The following PRKCB variants were observed in gnomAD, a reference collection of about 807,000 sequenced individuals.
PRKCB encodes the protein protein kinase C beta.
Under a neutral mutation model 81.5 loss-of-function variants are expected in PRKCB, and 13 were observed. The ratio of observed to expected loss-of-function variants is 0.16; its 90% CI spans 0.10 to 0.25. The LOEUF is 0.25. Among genes scored for constraint, PRKCB ranks in the 10% least tolerant of loss-of-function variants. PRKCB has a pLI of 1.00. For synonymous variants in PRKCB, 335 were observed against 321.4 expected, an observed-to-expected ratio of 1.04 and a Z score of -0.45; for missense variants, 509 against 875.7, an observed-to-expected ratio of 0.58 and a Z score of 5.29.
intron 9 of PRKCB, among the ~76,000 whole-genome samples, chr16:24,144,456 GC>G (rs1966958741): frequency 6.6e-6 from 1 of 152,050 alleles, no homozygotes; most frequent in Admixed American, 6.6e-5. Context: ...GTGCTATCAT[GC>G]CCAGCTAATT....
chr16:24,085,962 T>C (rs1966306042), intron 5 of PRKCB, among the ~76,000 whole-genome samples: 2 of 152,172 alleles, frequency 1.3e-5, no homozygotes, highest in African/African-American at 4.8e-5. Flanking sequence ...CCAGCTGTTC[T>C]AGGAGCCTTT....
chr16:24,134,877 C>T (rs1418132094), intron 9 of PRKCB, among the ~76,000 whole-genome samples: 4 of 152,022 alleles, frequency 2.6e-5, no homozygotes, highest in African/African-American at 9.7e-5. Flanking sequence ...CACCATTGCA[C>T]TCCAGCCTGG....
intron 5 of PRKCB, among the ~76,000 whole-genome samples, chr16:24,042,536 T>C (rs998572373): frequency 6.6e-6 from 1 of 152,212 alleles, no homozygotes; most frequent in African/African-American, 2.4e-5. Flanking sequence ...TTTCCACACT[T>C]GCTTAATCAC....
At chr16:24,050,849 G>C (rs1965832933) in intron 5 of PRKCB, among the ~76,000 whole-genome samples, 1 of 152,124 alleles carries the variant, frequency 6.6e-6, no homozygotes, top group African/African-American at 2.4e-5. Flanking sequence ...TTGCACTGTT[G>C]ACTTATCTTG....
chr16:24,069,795 AG>A (rs1431011183), intron 5 of PRKCB, among the ~76,000 whole-genome samples: 1 of 152,216 alleles, frequency 6.6e-6, no homozygotes, highest in Non-Finnish European at 1.5e-5. Context: ...GCTCAATAAA[AG>A]TTGTCATTGT....
intron 7 of PRKCB, among the ~76,000 whole-genome samples, chr16:24,105,055 AT>A (rs71154278): frequency 2.1e-4 from 31 of 148,178 alleles, no homozygotes; most frequent in East Asian, 4.0e-4. Flanking sequence ...ACGTTGTTGG[AT>A]TTTTTTTTTT....
chr16:23,938,915 T>G (rs8055864), intron 2 of PRKCB, among the ~76,000 whole-genome samples: 60,539 of 151,910 alleles, frequency 0.4, 12,355 homozygotes, highest in South Asian at 0.55. Context: ...AAGAAAGAAA[T>G]AAAACTGTAT....
chr16:23,939,413 A>G (rs1300430710), intron 2 of PRKCB, among the ~76,000 whole-genome samples: 3 of 152,226 alleles, frequency 2.0e-5, no homozygotes, highest in Non-Finnish European at 2.9e-5. Flanking sequence ...AGGCAAAGGA[A>G]CTAGCATAGC....
At chr16:23,908,136 G>A (rs1378594375) in intron 2 of PRKCB, among the ~76,000 whole-genome samples, 1 of 152,094 alleles carries the variant, frequency 6.6e-6, no homozygotes, top group Non-Finnish European at 1.5e-5. Context: ...GCTGGGGGAA[G>A]GAGGAAAACA....
chr16:23,917,582 G>A (rs1963760707), intron 2 of PRKCB, among the ~76,000 whole-genome samples: 1 of 152,246 alleles, frequency 6.6e-6, no homozygotes, highest in African/African-American at 2.4e-5. Flanking sequence ...AATGGGATTG[G>A]CCTCCACAGG....
At position 23,847,368 on chromosome 16, in the gene PRKCB, CTATCTATCTGTCCATCT is replaced by C. The variant is rs1962390939; in HGVS notation, c.205+9963_205+9979del. On this transcript the variant is annotated intron_variant, in intron 2 of 16. Coordinates refer to ENST00000643927, the MANE Select transcript of PRKCB (RefSeq NM_002738.7). ...TCTATCTATCTATCTATCTATCTAT[CTATCTATCTGTCCATCT>C]ATCTATCTATCCATCCATCCACCTA... 5.7e-3 allele frequency among the ~76,000 whole-genome samples: 42 copies of C among 7,404 alleles called. No individual in the cohort carries two copies. In the South Asian group the frequency reaches 0.061, roughly 11 times the overall value. The allele number at this position is 7,404 out of a possible 152,430, so 4.9% of individuals were successfully genotyped here. A position where few individuals can be genotyped will look rare whatever the true frequency, so the allele number is the denominator to read the frequency against.
At position 24,217,974 on chromosome 16, in the gene PRKCB, G is replaced by A. The variant is rs183896121; in HGVS notation, c.*3158G>A. 3.8e-5 allele frequency: 37 copies of A among 985,212 alleles called. No homozygotes were observed. In the African/African-American group the frequency reaches 4.7e-4, roughly 13 times the overall value. The allele number at this position is 985,212 out of a possible 1,614,324, so 61.0% of individuals were successfully genotyped here. Reference sequence around the variant, plus strand: ...TGCCTCAGAGTAAAGTTTCTGGCTCGGGGACAATTATAAGTTGCAAAAAGG... The same window carrying A: ...TGCCTCAGAGTAAAGTTTCTGGCTCAGGGACAATTATAAGTTGCAAAAAGG... On this transcript the variant is annotated 3_prime_UTR_variant, in exon 17 of 17. Transcript: ENST00000643927.
At chr16:24,086,037 G>C (rs747142731) in intron 5 of PRKCB, among the ~76,000 whole-genome samples, 14 of 152,292 alleles carry the variant, frequency 9.2e-5, no homozygotes, top group Middle Eastern at 3.4e-3. Context: ...CCCCACGTTT[G>C]CTGGTTTTGT....
chr16:24,212,229 AG>A (rs1404827586), intron 16 of PRKCB, among the ~76,000 whole-genome samples: 1 of 152,078 alleles, frequency 6.6e-6, no homozygotes, highest in Non-Finnish European at 1.5e-5. Flanking sequence ...AGACACTTTA[AG>A]GAGCATTTTT....
intron 9 of PRKCB, among the ~76,000 whole-genome samples, chr16:24,136,097 T>G (rs380932): frequency 0.36 from 48,906 of 136,674 alleles, 8,129 homozygotes; most frequent in South Asian, 0.48. Flanking sequence ...TTGCAGCGTG[T>G]TTTTTTTTTT....
chr16:24,120,126 A>T (rs534544131), intron 8 of PRKCB, among the ~76,000 whole-genome samples: 1 of 152,360 alleles, frequency 6.6e-6, no homozygotes, highest in East Asian at 1.9e-4. Flanking sequence ...TGCTGTTCAG[A>T]TGAAATTCAA....
At chr16:23,892,126 A>G (rs1029876417) in intron 2 of PRKCB, among the ~76,000 whole-genome samples, 6 of 152,224 alleles carry the variant, frequency 3.9e-5, no homozygotes, top group Non-Finnish European at 8.8e-5. Context: ...CCTTGGTCTC[A>G]GTGATAAAGA....
chr16:23,884,958 T>C (rs1963177437), intron 2 of PRKCB, among the ~76,000 whole-genome samples: 1 of 5,286 alleles, frequency 1.9e-4, no homozygotes, highest in Non-Finnish European at 3.5e-4. Flanking sequence ...TCCCAGGTTC[T>C]CAAGATGGAT....
chr16:23,905,068 AAT>A (rs1453164647), intron 2 of PRKCB, among the ~76,000 whole-genome samples: 2 of 95,332 alleles, frequency 2.1e-5, no homozygotes, highest in East Asian at 6.3e-4. Flanking sequence ...ATAAAAAAAA[AAT>A]AGCACAGCTC....
Sources: allele counts gnomAD v4.1 joint callset (sites outside exome capture counted in the v4.1 genomes callset), GRCh38; gene constraint gnomAD v4.1.1; transcripts MANE v1.5; gene names NCBI Gene and HGNC (gene_info 2026-07-23, HGNC 2026-07-21).